The following LRRC4C variants were observed in gnomAD, a reference collection of about 807,000 sequenced individuals.
The protein encoded by LRRC4C is leucine-rich repeat-containing protein 4C.
A neutral mutation model predicts 33.6 loss-of-function variants in LRRC4C; 5 were observed. The observed-to-expected ratio is 0.15, with a 90% CI of 0.08 to 0.31. The LOEUF is 0.31. LRRC4C is among the 10% of genes least tolerant of loss of function. The pLI is 1.00. For synonymous variants in LRRC4C, 329 were observed against 302.0 expected (o/e 1.09, Z -0.93); for missense variants, 560 against 796.7 (o/e 0.70, Z 3.58).
chr11:40,850,873 G>T (rs1953451603), intron 2 of LRRC4C, among the ~76,000 whole-genome samples: 1 of 152,198 alleles, frequency 6.6e-6, no homozygotes, highest in Non-Finnish European at 1.5e-5. Flanking sequence ...GTGGCTTTGA[G>T]GAGCAGTGGT....
At chr11:41,287,675 A>G (rs1949871255) in intron 1 of LRRC4C, among the ~76,000 whole-genome samples, 1 of 152,214 alleles carries the variant, frequency 6.6e-6, no homozygotes, top group Admixed American at 6.5e-5. Flanking sequence ...TTTTTAATCC[A>G]CTGTAAACCA....
intron 3 of LRRC4C, among the ~76,000 whole-genome samples, chr11:40,583,414 G>A (rs201187832): frequency 3.9e-5 from 6 of 152,142 alleles, no homozygotes; most frequent in Non-Finnish European, 7.4e-5. Context: ...TAATGGTGCC[G>A]CTTTCCTGCT....
At chr11:40,967,193 G>A (rs1592213170) in intron 1 of LRRC4C, among the ~76,000 whole-genome samples, 1 of 151,730 alleles carries the variant, frequency 6.6e-6, no homozygotes, top group East Asian at 2.0e-4. Context: ...GGGAGGAAGG[G>A]AGAAAAGAAG....
chr11:40,637,555 C>T (rs1160269601), intron 3 of LRRC4C, among the ~76,000 whole-genome samples: 2 of 152,194 alleles, frequency 1.3e-5, no homozygotes, highest in Non-Finnish European at 2.9e-5. Flanking sequence ...CCAAATCTCT[C>T]ATTCCTTAGA....
At chr11:40,660,250 C>T (rs1034876435) in intron 2 of LRRC4C, among the ~76,000 whole-genome samples, 8 of 152,174 alleles carry the variant, frequency 5.3e-5, no homozygotes, top group Admixed American at 2.0e-4. Context: ...CATGCTTGCT[C>T]GCTTACACAA....
At chr11:40,327,232 C>T (rs1415929716) in intron 3 of LRRC4C, among the ~76,000 whole-genome samples, 1 of 152,172 alleles carries the variant, frequency 6.6e-6, no homozygotes, top group East Asian at 1.9e-4. Flanking sequence ...TCTGCCATTT[C>T]CCATGACAGG....
chr11:41,080,614 AAGT>A (rs1230963347), intron 1 of LRRC4C, among the ~76,000 whole-genome samples: 1 of 152,080 alleles, frequency 6.6e-6, no homozygotes, highest in Non-Finnish European at 1.5e-5. Flanking sequence ...CAGCCTCCCA[AAGT>A]GCTGGGATTA....
intron 3 of LRRC4C, among the ~76,000 whole-genome samples, chr11:40,561,694 G>A (rs1019567518): frequency 6.6e-6 from 1 of 151,988 alleles, no homozygotes; most frequent in African/African-American, 2.4e-5. Flanking sequence ...TTACAGGCAT[G>A]AGCCACCGCG....
intron 2 of LRRC4C, among the ~76,000 whole-genome samples, chr11:40,786,859 C>T (rs1950432916): frequency 6.6e-6 from 1 of 151,986 alleles, no homozygotes; most frequent in African/African-American, 2.4e-5. Context: ...CTCCCCCACC[C>T]CCCATCCAGA....
At chr11:40,734,141 A>G (rs1020925689) in intron 2 of LRRC4C, among the ~76,000 whole-genome samples, 2 of 152,182 alleles carry the variant, frequency 1.3e-5, no homozygotes, top group Non-Finnish European at 2.9e-5. Context: ...TGTTTAAGAT[A>G]TCCTAAAATC....
chr11:40,927,981 T>A (rs1017140558), intron 2 of LRRC4C, among the ~76,000 whole-genome samples: 1 of 151,900 alleles, frequency 6.6e-6, no homozygotes, highest in Non-Finnish European at 1.5e-5. Context: ...CAATGTAAAG[T>A]TTTTTTTAAG....
At chr11:41,452,885 T>C (rs1204545381) in intron 1 of LRRC4C, among the ~76,000 whole-genome samples, 2 of 152,154 alleles carry the variant, frequency 1.3e-5, no homozygotes, top group African/African-American at 4.8e-5. Context: ...TGCTAAGTTA[T>C]TATCATAATT....
rs1555134481 is a variant in LRRC4C, at chr11:41,279,428, A to ACCCCCCCC, written c.-496+180002_-496+180003insGGGGGGGG. Among the ~76,000 whole-genome samples, 59 of 140,878 alleles carry ACCCCCCCC rather than the reference A, an allele frequency of 4.2e-4. No homozygotes were observed. The East Asian group carries it at 5.4e-3, about 13-fold the overall frequency. The allele number at this position is 140,878 out of a possible 152,430, so 92.4% of individuals were successfully genotyped here. On this transcript the variant is annotated intron_variant, in intron 1 of 6. Coordinates refer to ENST00000528697, the MANE Select transcript of LRRC4C (RefSeq NM_001258419.2). The stretch of plus-strand genomic sequence containing the variant: ...CACACACACACACACACACACACAC[A>ACCCCCCCC]CCGTGGCAATCACTGCCTGCAATGG...
intron 1 of LRRC4C, among the ~76,000 whole-genome samples, chr11:41,053,929 T>C (rs962379983): frequency 1.3e-5 from 2 of 152,202 alleles, no homozygotes; most frequent in Admixed American, 6.5e-5. Context: ...GGGAACACTT[T>C]AGTAATTCCA....
chr11:40,890,181 A>G (rs1207936127), intron 2 of LRRC4C, among the ~76,000 whole-genome samples: 2 of 152,310 alleles, frequency 1.3e-5, no homozygotes, highest in East Asian at 3.9e-4. Flanking sequence ...ATCTTTGTCC[A>G]TTCTGTGTTG....
intron 1 of LRRC4C, among the ~76,000 whole-genome samples, chr11:40,934,042 G>T (rs576007405): frequency 8.5e-5 from 13 of 152,258 alleles, no homozygotes; most frequent in African/African-American, 2.4e-4. Context: ...GGCATATCTG[G>T]TGCTGTTTAT....
At chr11:41,093,805 A>G (rs964470693) in intron 1 of LRRC4C, among the ~76,000 whole-genome samples, 1 of 152,036 alleles carries the variant, frequency 6.6e-6, no homozygotes, top group Admixed American at 6.6e-5. Context: ...AAAAAGTAAC[A>G]GACCGGCCGG....
At chr11:40,761,138 T>C (rs1420768196) in intron 2 of LRRC4C, among the ~76,000 whole-genome samples, 1 of 152,006 alleles carries the variant, frequency 6.6e-6, no homozygotes, top group African/African-American at 2.4e-5. Context: ...GGAGCTATAG[T>C]GGAGAACATA....
At chr11:40,471,506 A>AT (rs1952935015) in intron 3 of LRRC4C, among the ~76,000 whole-genome samples, 1 of 152,194 alleles carries the variant, frequency 6.6e-6, no homozygotes, top group Non-Finnish European at 1.5e-5. Flanking sequence ...AGCTAGCATC[A>AT]TAATGACAGG....
Sources: gnomAD v4.1 joint callset for allele counts (sites outside exome capture counted in the v4.1 genomes callset) on GRCh38, gnomAD v4.1.1 for gene constraint, MANE v1.5 for transcripts, NCBI Gene and HGNC (gene_info 2026-07-23, HGNC 2026-07-21) for gene names.